NSD1: variants seen among roughly 807,000 people sequenced by gnomAD.
NSD1 encodes the protein histone-lysine N-methyltransferase, H3 lysine-36 specific.
Under a neutral mutation model 242.7 loss-of-function variants are expected in NSD1, and 26 were observed. The observed-to-expected ratio is 0.11, with a 90% confidence interval of 0.08 to 0.15. NSD1 has a LOEUF of 0.15. Among genes scored for constraint, NSD1 ranks in the 10% least tolerant of loss-of-function variants. The pLI is 1.00. For missense variants in NSD1, 2,495 were observed against 3,272.8 expected (o/e 0.76, Z 5.80); for synonymous variants, 1,106 against 1,178.1 (o/e 0.94, Z 1.25).
At chr5:177,281,494 A>G (rs141420912) in intron 18 of NSD1, among the ~76,000 whole-genome samples, 11 of 152,232 alleles carry the variant, frequency 7.2e-5, no homozygotes, top group African/African-American at 1.4e-4. Flanking sequence ...CTGGGGATGC[A>G]CTAACCAAGA....
chr5:177,296,931 T>C lies in NSD1; in HGVS notation c.*1472T>C. On this transcript the variant is annotated 3_prime_UTR_variant, in exon 23 of 23. Transcript: ENST00000439151. ...TTAGCCAGCAGGCCATCCCCGGCCC[T>C]AACGTCTCCTGGCCATTATCTCTTA... The C allele has an allele frequency of 4.3e-6, 1 of 233,354 alleles. No individual in the cohort carries two copies. The highest frequency in any genetic ancestry group is 6.0e-5 in the East Asian group (1 of 16,598). 14.5% of individuals were successfully genotyped at this position (233,354 alleles called of 1,614,324 possible).
Position 177,295,559 on chromosome 5 carries a change from C to T in NSD1, c.*100C>T. On this transcript the variant is annotated 3_prime_UTR_variant, in exon 23 of 23. Transcript: ENST00000439151. The surrounding 1 kb of genome is among the most constrained non-coding windows in gnomAD (Gnocchi z 4.3). ...TCCCCCTTAAAAAAAAACACATCTG[C>T]CCCGAACACTTTCCCACTGTTATTC... 8.3e-7 allele frequency: 1 copy of T among 1,203,178 alleles called. No individual in the cohort carries two copies. Among genetic ancestry groups the T allele is most frequent in the Non-Finnish European group, 1.2e-6 (1 of 831,364 alleles). The allele number at this position is 1,203,178 out of a possible 1,614,324, so 74.5% of individuals were successfully genotyped here.
chr5:177,241,575 T>C (rs1358435236), intron 8 of NSD1, among the ~76,000 whole-genome samples: 1 of 152,186 alleles, frequency 6.6e-6, no homozygotes, highest in African/African-American at 2.4e-5. Flanking sequence ...CAGTATCTTT[T>C]AAGTATTAAT....
intron 5 of NSD1, among the ~76,000 whole-genome samples, chr5:177,219,248 C>T (rs1289383888): frequency 2.6e-5 from 4 of 151,688 alleles, no homozygotes; most frequent in African/African-American, 9.7e-5. Flanking sequence ...TGAGCTGGCA[C>T]GATCTCAGCT....
Position 177,295,244 on chromosome 5 carries a change from G to T in NSD1, c.7876G>T (p.Ala2626Ser). The change falls in exon 23 of 23, where the codon GCC becomes TCC. Residue 2626 changes from alanine to serine, a missense_variant. By Grantham distance (99) the Ala-to-Ser change is moderately conservative (BLOSUM62 1). This residue lies in a region of NSD1 where 475 missense variants were observed against 563.7 expected (regional missense o/e 0.84). Transcript: ENST00000439151. This position sits in a 1 kb window ranked among gnomAD's most constrained non-coding sequence, Gnocchi z 4.3. ...KLVTTEQSPW[A>S]LGKASSRAGL... ...GGTAACCACAGAGCAAAGTCCCTGGGCCCTGGGAAAAGCCTCATCACGGGC... is the reference window on the plus strand; with the variant it reads ...GGTAACCACAGAGCAAAGTCCCTGGTCCCTGGGAAAAGCCTCATCACGGGC... 1 of 1,614,238 alleles carries T rather than the reference G, an allele frequency of 6.2e-7. No homozygotes were observed. The highest frequency in any genetic ancestry group is 1.1e-5 in the South Asian group (1 of 91,088).
intron 2 of NSD1, among the ~76,000 whole-genome samples, chr5:177,166,299 G>A (rs1291882485): frequency 6.6e-6 from 1 of 151,976 alleles, no homozygotes. Context: ...TATAATCCTA[G>A]CACTTTGGGA....
intron 6 of NSD1, among the ~76,000 whole-genome samples, chr5:177,237,252 A>G (rs1765519049): frequency 6.6e-6 from 1 of 152,096 alleles, no homozygotes; most frequent in Non-Finnish European, 1.5e-5. Context: ...CTCTATTTTT[A>G]TTAACTGATA....
At chr5:177,266,584 G>C in intron 14 of NSD1, 1 of 679,404 alleles carries the variant, frequency 1.5e-6, no homozygotes, top group East Asian at 3.9e-5. Flanking sequence ...CTCGGCGGCC[G>C]CCATCTTCAC....
At chr5:177,233,952 G>A (rs999184717) in intron 5 of NSD1, among the ~76,000 whole-genome samples, 1 of 152,172 alleles carries the variant, frequency 6.6e-6, no homozygotes, top group Non-Finnish European at 1.5e-5. Flanking sequence ...AGATGTATGG[G>A]TGTGAAAGGG....
chr5:177,264,028 ATTTTTTTTTTTT>A (rs61538775), intron 14 of NSD1, among the ~76,000 whole-genome samples: 18 of 76,384 alleles, frequency 2.4e-4, no homozygotes, highest in African/African-American at 8.7e-4. Flanking sequence ...CAATGAACCA[ATTTTTTTTTTTT>A]TTTTTTTTTT....
At chr5:177,193,976 C>T (rs1256944314) in intron 3 of NSD1, among the ~76,000 whole-genome samples, 2 of 152,150 alleles carry the variant, frequency 1.3e-5, no homozygotes, top group African/African-American at 2.4e-5. Flanking sequence ...GGGGTTTCAC[C>T]ATGTTGGCCA....
chr5:177,257,292 G>T lies in NSD1; in HGVS notation c.4966+141G>T. 6.8e-6 allele frequency: 5 copies of T among 736,686 alleles called. No individual in the cohort carries two copies. The East Asian group carries it at 1.4e-4, about 20-fold the overall frequency. 45.6% of individuals were successfully genotyped at this position (736,686 alleles called of 1,614,324 possible). ...GTTGCCGAGGCTGGAGTGCAGTGGC[G>T]TGATCTTGGCCCACTGCAAGCTCCG... On this transcript the variant is annotated intron_variant, in intron 13 of 22. Coordinates refer to ENST00000439151, the MANE Select transcript of NSD1 (RefSeq NM_022455.5).
intron 5 of NSD1, chr5:177,229,717 A>G (rs1221187994): frequency 2.6e-6 from 1 of 391,404 alleles, no homozygotes; most frequent in South Asian, 1.8e-5. Flanking sequence ...GGGGAAGCCT[A>G]GCAACAGCCA....
rs767784169 is a variant in NSD1, at chr5:177,212,115, A to G, written c.3716A>G (p.Lys1239Arg). 1 of 1,614,032 alleles carries G rather than the reference A, an allele frequency of 6.2e-7. No individual in the cohort carries two copies. Among genetic ancestry groups the G allele is most frequent in the Non-Finnish European group, 8.5e-7 (1 of 1,180,034 alleles). Residue 1239 changes from lysine to arginine, a missense_variant, in exon 5 of 23, where the codon AAA becomes AGA. Lys to Arg is a conservative substitution (Grantham distance 26, BLOSUM62 2). Around this residue, in one of 19 missense-constraint regions of NSD1, gnomAD observed 426 missense variants for 411.4 expected, o/e 1.04. Coordinates refer to ENST00000439151, the MANE Select transcript of NSD1 (RefSeq NM_022455.5). Reference sequence around the variant, plus strand: ...GGGCCACGGTTAAATGTTTGTGATAAATCCAGTGCCAGCATTGGTGACATG... The same window carrying G: ...GGGCCACGGTTAAATGTTTGTGATAGATCCAGTGCCAGCATTGGTGACATG... ...SAGPRLNVCD[K>R]SSASIGDMEK...
chr5:177,256,275 C>CTTT (rs147226070), intron 12 of NSD1, among the ~76,000 whole-genome samples: 40 of 76,848 alleles, frequency 5.2e-4, no homozygotes, highest in African/African-American at 1.1e-3. Flanking sequence ...TGCCCCCACA[C>CTTT]TTTTTTTTTT....
chr5:177,209,596 C>A, intron 4 of NSD1, 40 bp from the exon 5 acceptor site: 1 of 1,426,942 alleles, frequency 7.0e-7, no homozygotes, highest in South Asian at 1.2e-5. Flanking sequence ...CCACCCATTT[C>A]TTTGATAAGT....
At chr5:177,138,164 A>G (rs1249804178) in intron 2 of NSD1, among the ~76,000 whole-genome samples, 2 of 152,180 alleles carry the variant, frequency 1.3e-5, no homozygotes, top group African/African-American at 2.4e-5. Flanking sequence ...CATGTCTAAA[A>G]TGGGAGTTAG....
intron 5 of NSD1, among the ~76,000 whole-genome samples, chr5:177,219,221 C>T (rs927107809): frequency 3.3e-5 from 5 of 151,634 alleles, no homozygotes; most frequent in Non-Finnish European, 7.4e-5. Flanking sequence ...GAGTCTCGCT[C>T]TGTCGCCAGG....
rs1273464919 is a variant in NSD1 at position 177,212,150 on chromosome 5, C to T, written c.3751C>T (p.Pro1251Ser). ...SASIGDMEKE[P>S]GIPSLTPQAE... ...CAGCATTGGTGACATGGAAAAGGAG[C>T]CAGGAATTCCCAGTTTGACACCACA... The change falls in exon 5 of 23, where the codon CCA (proline) becomes TCA (serine). Residue 1251 changes from proline to serine, a missense_variant. Around this residue, in one of 19 missense-constraint regions of NSD1, gnomAD observed 426 missense variants for 411.4 expected, o/e 1.04. Transcript: ENST00000439151. 1.2e-6 allele frequency: 2 copies of T among 1,613,780 alleles called. No individual in the cohort carries two copies. The highest frequency in any genetic ancestry group is 1.7e-6 in the Non-Finnish European group (2 of 1,179,996).
Sources: gnomAD v4.1 joint callset for allele counts (sites outside exome capture counted in the v4.1 genomes callset) on GRCh38, gnomAD v4.1.1 for gene constraint, gnomAD v4.1.1 regional missense constraint, Gnocchi (gnomAD v3.1) non-coding constraint, MANE v1.5 for transcripts, NCBI Gene and HGNC (gene_info 2026-07-23, HGNC 2026-07-21) for gene names.